DLG2: variants seen among roughly 807,000 people sequenced by gnomAD.
DLG2 encodes disks large homolog 2.
DLG2 carries 45 observed loss-of-function variants against 132.5 expected under a neutral mutation model. The observed-to-expected ratio is 0.34, with a 90% CI of 0.27 to 0.44. DLG2 has a LOEUF of 0.44. Among genes scored for constraint, DLG2 ranks in the 20% least tolerant of loss-of-function variants. DLG2 has a pLI of 1.00. For synonymous variants in DLG2, 424 were observed against 419.6 expected, an observed-to-expected ratio of 1.01 and a Z score of -0.13; for missense variants, 1,045 against 1,196.9, an observed-to-expected ratio of 0.87 and a Z score of 1.87.
intron 7 of DLG2, among the ~76,000 whole-genome samples, chr11:84,482,477 T>C (rs182374807): frequency 8.5e-5 from 13 of 152,302 alleles, no homozygotes; most frequent in Admixed American, 6.5e-4. Flanking sequence ...ATTATGTCAG[T>C]TAATAATAAT....
intron 4 of DLG2, among the ~76,000 whole-genome samples, chr11:85,214,122 A>G (rs1010015081): frequency 7.2e-5 from 11 of 152,092 alleles, no homozygotes; most frequent in African/African-American, 2.7e-4. Context: ...CACTCCTACC[A>G]TGTCCCGTTG....
intron 3 of DLG2, among the ~76,000 whole-genome samples, chr11:85,513,877 A>G (rs995962094): frequency 2.0e-5 from 3 of 151,984 alleles, no homozygotes; most frequent in African/African-American, 7.2e-5. Flanking sequence ...CTGATTAGTT[A>G]CCAAGTCCTA....
At chr11:84,070,574 T>A (rs1163750394) in intron 10 of DLG2, among the ~76,000 whole-genome samples, 1 of 152,246 alleles carries the variant, frequency 6.6e-6, no homozygotes, top group Non-Finnish European at 1.5e-5. Context: ...CAGAAATAGA[T>A]GTAGATCAAC....
chr11:84,895,526 T>C (rs1017719849), intron 6 of DLG2, among the ~76,000 whole-genome samples: 2 of 152,186 alleles, frequency 1.3e-5, no homozygotes, highest in African/African-American at 2.4e-5. Context: ...TATCATAGCT[T>C]TGCTTTTCTT....
intron 17 of DLG2, among the ~76,000 whole-genome samples, chr11:83,796,539 T>C (rs1181362669): frequency 6.6e-6 from 1 of 152,174 alleles, no homozygotes; most frequent in Non-Finnish European, 1.5e-5. Flanking sequence ...TGTCAGGGAA[T>C]TCTCCTTCCC....
chr11:83,724,089 C>T (rs926294186), intron 18 of DLG2, among the ~76,000 whole-genome samples: 5 of 152,104 alleles, frequency 3.3e-5, no homozygotes, highest in Non-Finnish European at 7.3e-5. Context: ...GGTAACCGTG[C>T]CCCCTGGAGG....
intron 19 of DLG2, among the ~76,000 whole-genome samples, chr11:83,559,199 A>C (rs1381137399): frequency 6.6e-6 from 1 of 152,166 alleles, no homozygotes; most frequent in African/African-American, 2.4e-5. Context: ...AAAAGAATGC[A>C]CTTGGTTTAG....
At chr11:83,467,810 T>TATATATATATATATATATAC (rs1414160515) in intron 25 of DLG2, among the ~76,000 whole-genome samples, 1 of 96,310 alleles carries the variant, frequency 1.0e-5, no homozygotes, top group Non-Finnish European at 2.0e-5. Context: ...TATATATATA[T>TATATATATATATATATATAC]ACACACACAC....
intron 6 of DLG2, among the ~76,000 whole-genome samples, chr11:84,670,128 A>G (rs1482832176): frequency 6.6e-6 from 1 of 152,120 alleles, no homozygotes; most frequent in Admixed American, 6.6e-5. Flanking sequence ...TGAATGAGAT[A>G]TAAAGAGAAA....
intron 15 of DLG2, among the ~76,000 whole-genome samples, chr11:83,884,801 T>C (rs1159062740): frequency 6.6e-6 from 1 of 152,190 alleles, no homozygotes; most frequent in Non-Finnish European, 1.5e-5. Flanking sequence ...AAATCCACTG[T>C]TCTGCAGCCA....
intron 5 of DLG2, among the ~76,000 whole-genome samples, chr11:85,129,128 G>C (rs1456009386): frequency 6.6e-6 from 1 of 152,148 alleles, no homozygotes; most frequent in Non-Finnish European, 1.5e-5. Context: ...TCTCAGAAGT[G>C]ATATCTGTGA....
intron 18 of DLG2, among the ~76,000 whole-genome samples, chr11:83,711,977 CA>C (rs2085533824): frequency 6.6e-6 from 1 of 151,816 alleles, no homozygotes; most frequent in South Asian, 2.1e-4. Flanking sequence ...ATTAAAAAGT[CA>C]AAAAGCAAAA....
intron 9 of DLG2, among the ~76,000 whole-genome samples, chr11:84,137,942 C>A (rs902906647): frequency 2.6e-5 from 4 of 152,104 alleles, no homozygotes; most frequent in African/African-American, 4.8e-5. Context: ...AAACCAGAGG[C>A]AAGAATCCCC....
chr11:84,052,687 CA>C (rs67140653), intron 11 of DLG2, among the ~76,000 whole-genome samples: 1,404 of 125,260 alleles, frequency 0.011, 12 homozygotes, highest in African/African-American at 0.038. Context: ...ATTAAAAAGT[CA>C]AAAAAAAAAA....
At chr11:83,518,979 C>A (rs578031423) in intron 21 of DLG2, among the ~76,000 whole-genome samples, 6 of 152,272 alleles carry the variant, frequency 3.9e-5, no homozygotes, top group African/African-American at 1.4e-4. Context: ...TACAGCTGAG[C>A]ACTGTGCAAC....
At chr11:84,929,855 C>A (rs1394671171) in intron 6 of DLG2, among the ~76,000 whole-genome samples, 7 of 152,014 alleles carry the variant, frequency 4.6e-5, no homozygotes, top group Non-Finnish European at 1.0e-4. Context: ...CTTGAACGCA[C>A]AGCCTGAGAG....
intron 19 of DLG2, among the ~76,000 whole-genome samples, chr11:83,547,585 GTTACAGCCAT>G (rs2096273722): frequency 6.6e-5 from 10 of 152,164 alleles, no homozygotes; most frequent in African/African-American, 1.9e-4. Flanking sequence ...TGGTTATTAG[GTTACAGCCAT>G]CAAGAAAACA....
intron 4 of DLG2, among the ~76,000 whole-genome samples, chr11:85,279,233 A>G (rs1292768850): frequency 4.6e-5 from 7 of 152,162 alleles, no homozygotes; most frequent in Non-Finnish European, 1.0e-4. Context: ...AAGAAAAAAC[A>G]TGTTCCTGAG....
At chr11:85,427,365 G>T (rs2090839851) in intron 3 of DLG2, among the ~76,000 whole-genome samples, 1 of 152,158 alleles carries the variant, frequency 6.6e-6, no homozygotes, top group Non-Finnish European at 1.5e-5. Context: ...AATGTTAAGG[G>T]CAGCCAGAGA....
Sources: gnomAD v4.1 joint callset for allele counts (sites outside exome capture counted in the v4.1 genomes callset) on GRCh38, gnomAD v4.1.1 for gene constraint, MANE v1.5 for transcripts, NCBI Gene and HGNC (gene_info 2026-07-23, HGNC 2026-07-21) for gene names.